Variants in NDUFA10 observed in about 807,000 individuals in gnomAD.
The protein encoded by NDUFA10 is NADH:ubiquinone oxidoreductase subunit A10, also known as NADH dehydrogenase [ubiquinone] 1 alpha subcomplex subunit 10, mitochondrial.
A neutral mutation model predicts 47.8 loss-of-function variants in NDUFA10; 40 were observed. That is an observed-to-expected ratio of 0.84 (90% CI 0.65 to 1.09). The LOEUF (loss-of-function observed/expected upper bound fraction) is 1.09, where lower values mean the gene tolerates loss of function less well. Among genes scored for constraint, NDUFA10 ranks in the 50% least tolerant of loss-of-function variants. The pLI, the probability that NDUFA10 is intolerant of heterozygous loss-of-function variation, is 0.00. For missense variants in NDUFA10, 413 were observed against 451.1 expected, an observed-to-expected ratio of 0.92 and a Z score of 0.76; for synonymous variants, 183 against 172.2, an observed-to-expected ratio of 1.06 and a Z score of -0.49.
chr2:239,922,891 A>T lies in NDUFA10; in HGVS notation c.295-27577T>A, dbSNP rs538643512. On this transcript the variant is annotated intron_variant, in intron 4 of 5. Transcript: ENST00000419408. Reference sequence around the variant, plus strand: ...CCTTTGCGAAGTAGAAAGGACAATGATTACCATGAGGCTGCAAACCAAGGA... The same window carrying T: ...CCTTTGCGAAGTAGAAAGGACAATGTTTACCATGAGGCTGCAAACCAAGGA... Among the ~76,000 whole-genome samples, 3 of 152,318 alleles carry T rather than the reference A, an allele frequency of 2.0e-5. No individual in the cohort carries two copies. The East Asian group carries it at 5.8e-4, about 29-fold the overall frequency.
chr2:239,970,224 C>T (rs2106407414), intron 9 of NDUFA10, among the ~76,000 whole-genome samples: 1 of 152,246 alleles, frequency 6.6e-6, no homozygotes, highest in East Asian at 1.9e-4. Flanking sequence ...AGAAACTATG[C>T]AAGCCAAGAG....
intron 4 of NDUFA10, among the ~76,000 whole-genome samples, chr2:239,936,878 T>A (rs1694274588): frequency 6.6e-6 from 1 of 152,106 alleles, no homozygotes; most frequent in African/African-American, 2.4e-5. Context: ...GAGAATTGCT[T>A]GAATCTGAGA....
At chr2:239,911,931 A>G (rs1693762550) in intron 4 of NDUFA10, among the ~76,000 whole-genome samples, 1 of 152,078 alleles carries the variant, frequency 6.6e-6, no homozygotes, top group East Asian at 1.9e-4. Flanking sequence ...GCAGCTCTGA[A>G]TCTGGAACAG....
At position 239,959,752 on chromosome 2, in the gene NDUFA10, G is replaced by A. The variant is rs1694772002; in HGVS notation, c.*1366C>T. On this transcript the variant is annotated 3_prime_UTR_variant, in exon 10 of 10. Coordinates refer to ENST00000252711, the MANE Select transcript of NDUFA10 (RefSeq NM_004544.4). ...GGAAGGAAGGAAGAGAAGGAGGGAA[G>A]GAAAGAGGCAGGGAGGAAGGGAAGG... is the stretch of plus-strand genomic sequence containing the variant. The A allele has an allele frequency of 2.7e-6, 2 of 731,774 alleles. No individual in the cohort carries two copies. Among genetic ancestry groups the A allele is most frequent in the Non-Finnish European group, 3.3e-6 (2 of 599,020 alleles). The allele number at this position is 731,774 out of a possible 1,614,324, so 45.3% of individuals were successfully genotyped here.
intron 4 of NDUFA10, among the ~76,000 whole-genome samples, chr2:239,947,074 G>C (rs1694468544): frequency 6.6e-6 from 1 of 152,230 alleles, no homozygotes. Context: ...TGCTCAGCAG[G>C]TAGTGTGGGT....
At chr2:239,935,946 G>C (rs1694260179) in intron 4 of NDUFA10, among the ~76,000 whole-genome samples, 2 of 152,210 alleles carry the variant, frequency 1.3e-5, no homozygotes, top group Non-Finnish European at 2.9e-5. Flanking sequence ...CTAACACACA[G>C]GGAAACTGTT....
chr2:239,971,542 G>C (rs566586486), intron 9 of NDUFA10, among the ~76,000 whole-genome samples: 3 of 152,258 alleles, frequency 2.0e-5, no homozygotes, highest in Non-Finnish European at 4.4e-5. Flanking sequence ...ACTGATATTA[G>C]TGGGCAGCCT....
intron 4 of NDUFA10, among the ~76,000 whole-genome samples, chr2:239,917,557 C>T (rs965351401): frequency 2.6e-5 from 4 of 152,138 alleles, no homozygotes; most frequent in Non-Finnish European, 2.9e-5. Context: ...ATGCTAGGCA[C>T]GAGAGAAAAA....
chr2:239,910,358 A>G (rs2106470842), intron 4 of NDUFA10, among the ~76,000 whole-genome samples: 1 of 152,350 alleles, frequency 6.6e-6, no homozygotes, highest in African/African-American at 2.4e-5. Flanking sequence ...AATGTGGCAC[A>G]TATACACCAT....
chr2:239,953,708 T>C (rs964705021), downstream of NDUFA10, among the ~76,000 whole-genome samples: 2 of 152,124 alleles, frequency 1.3e-5, no homozygotes, highest in Non-Finnish European at 2.9e-5. Flanking sequence ...CGAACGTAAG[T>C]AGCGGCTTGC....
intron 4 of NDUFA10, among the ~76,000 whole-genome samples, chr2:239,897,748 T>C (rs925346149): frequency 2.0e-5 from 3 of 152,302 alleles, no homozygotes; most frequent in African/African-American, 4.8e-5. Flanking sequence ...AACCCTGCTG[T>C]TGGGAGGCCC....
chr2:240,003,482 C>T (rs1301945807), intron 8 of NDUFA10, among the ~76,000 whole-genome samples: 1 of 152,222 alleles, frequency 6.6e-6, no homozygotes, highest in Non-Finnish European at 1.5e-5. Flanking sequence ...AGGCAGGAAG[C>T]AGCACAGGGC....
chr2:240,014,951 C>T (rs1559397314), intron 4 of NDUFA10, 91 bp from the exon 5 acceptor site: 1 of 1,567,516 alleles, frequency 6.4e-7, no homozygotes, highest in Non-Finnish European at 8.7e-7. Context: ...GGCAAACATA[C>T]ACGCAATTCT....
Position 240,024,118 on chromosome 2 carries a change from C to T in NDUFA10, c.75+1109G>A, listed in dbSNP as rs369849784. On this transcript the variant is annotated intron_variant, in intron 1 of 9. Transcript: ENST00000252711. ...TCTTACTACATGAGTAATCGCTCTT[C>T]CAGGTATTACCCAAATGATATAAAA... Among the ~76,000 whole-genome samples, 58 of 152,334 alleles carry T rather than the reference C, an allele frequency of 3.8e-4. No homozygotes were observed. In the South Asian group the frequency reaches 0.012, roughly 32 times the overall value.
At chr2:239,955,842 G>A (rs762974585), downstream of NDUFA10, among the ~76,000 whole-genome samples, 46 of 152,240 alleles carry the variant, frequency 3.0e-4, no homozygotes, top group East Asian at 1.5e-3. Context: ...CTGTGGGCAC[G>A]GCTCTCAGCA....
intron 8 of NDUFA10, among the ~76,000 whole-genome samples, chr2:239,991,012 C>T (rs1696223148): frequency 1.3e-5 from 2 of 152,172 alleles, no homozygotes; most frequent in South Asian, 2.1e-4. Flanking sequence ...AAGCAGGAGA[C>T]GTTTCTCATT....
intron 9 of NDUFA10, among the ~76,000 whole-genome samples, chr2:239,980,931 T>C (rs1695749657): frequency 1.3e-5 from 2 of 152,156 alleles, no homozygotes; most frequent in South Asian, 4.1e-4. Context: ...GGTGAAACCA[T>C]TCTCCACTGG....
chr2:239,985,159 G>A (rs1285327567), intron 9 of NDUFA10, among the ~76,000 whole-genome samples: 2 of 152,120 alleles, frequency 1.3e-5, no homozygotes, highest in Non-Finnish European at 2.9e-5. Context: ...CAAACGCCAA[G>A]ATTAAACAAC....
chr2:240,025,164 T>TC, intron 1 of NDUFA10, 63 bp downstream of exon 1: 31 of 594,904 alleles, frequency 5.2e-5, no homozygotes, highest in South Asian at 9.1e-5. Context: ...GTGGAACTGC[T>TC]CCCCACCCCG....
Sources: gnomAD v4.1 joint callset for allele counts (sites outside exome capture counted in the v4.1 genomes callset) on GRCh38, gnomAD v4.1.1 for gene constraint, MANE v1.5 for transcripts, NCBI Gene and HGNC (gene_info 2026-07-23, HGNC 2026-07-21) for gene names.